Variants in SLC1A1 observed in about 807,000 individuals in gnomAD.
The protein encoded by SLC1A1 is solute carrier family 1 member 1, also known as excitatory amino acid transporter 3.
In SLC1A1, 43 loss-of-function variants were observed where a neutral mutation model predicts 53.3. That is an observed-to-expected ratio of 0.81 (90% confidence interval 0.63 to 1.04). The LOEUF (loss-of-function observed/expected upper bound fraction) is 1.04. Among genes scored for constraint, SLC1A1 ranks in the 50% least tolerant of loss-of-function variants. The pLI, the probability that SLC1A1 is intolerant of heterozygous loss-of-function variation, is 0.00. For synonymous variants in SLC1A1, 307 were observed against 243.2 expected (o/e 1.26, Z -2.44); for missense variants, 748 against 664.9 (o/e 1.12, Z -1.37).
intron 1 of SLC1A1, among the ~76,000 whole-genome samples, chr9:4,513,551 A>C (rs1183368885): frequency 6.6e-6 from 1 of 152,178 alleles, no homozygotes; most frequent in African/African-American, 2.4e-5. Flanking sequence ...TACAACACCA[A>C]GTGCTGATGA....
intron 4 of SLC1A1, 110 bp from the exon 5 acceptor site, chr9:4,565,932 CAGAAG>C: frequency 1.2e-6 from 1 of 846,762 alleles, no homozygotes. Flanking sequence ...AAGCAGGGGC[CAGAAG>C]AGAAACCAGA....
intron 2 of SLC1A1, among the ~76,000 whole-genome samples, chr9:4,550,145 G>A (rs1215015742): frequency 6.6e-6 from 1 of 152,098 alleles, no homozygotes; most frequent in South Asian, 2.1e-4. Flanking sequence ...AACACTAGAC[G>A]TCAGGAGAAA....
chr9:4,575,120 G>T (rs10117931), intron 8 of SLC1A1, among the ~76,000 whole-genome samples: 2 of 152,002 alleles, frequency 1.3e-5, no homozygotes, highest in African/African-American at 4.8e-5. Context: ...TGTCTAACAG[G>T]AAACTAAAAG....
chr9:4,548,036 T>C (rs974620615), intron 2 of SLC1A1, among the ~76,000 whole-genome samples: 6 of 152,188 alleles, frequency 3.9e-5, no homozygotes, highest in Non-Finnish European at 7.3e-5. Context: ...GAAAACATGA[T>C]CTGTTCTGCT....
Position 4,567,763 on chromosome 9 carries a change from C to G in SLC1A1, c.578C>G (p.Ser193Cys), listed in dbSNP as rs368929720. 1 of 1,587,836 alleles carries G rather than the reference C, an allele frequency of 6.3e-7. No homozygotes were observed. The highest frequency in any genetic ancestry group is 1.3e-5 in the African/African-American group (1 of 74,490). The change falls in exon 6 of 12, where the codon TCC becomes TGC. Residue 193 changes from serine to cysteine, a missense_variant. Ser to Cys is a moderately radical substitution (Grantham distance 112). Coordinates refer to ENST00000262352, the MANE Select transcript of SLC1A1 (RefSeq NM_004170.6). ...ACAGCTGTCATGACAACTGCAATTT[C>G]CAAGGTACCATTCTTATTTCCTGTT... ...SFTAVMTTAI[S>C]KNKTKEYKIV... is the part of the protein sequence containing the mutation.
intron 1 of SLC1A1, among the ~76,000 whole-genome samples, chr9:4,523,529 T>C (rs984729072): frequency 6.6e-6 from 1 of 152,226 alleles, no homozygotes; most frequent in African/African-American, 2.4e-5. Context: ...ATAAATGTCA[T>C]AGACTGAGGA....
At chr9:4,564,268 T>C (rs1819268889) in intron 3 of SLC1A1, 76 bp from the exon 4 acceptor site, 1 of 970,644 alleles carries the variant, frequency 1.0e-6, no homozygotes, top group East Asian at 2.6e-5. Context: ...ACCATGCCCA[T>C]TGTTCTAAAG....
chr9:4,579,384 T>C (rs1564065818), intron 10 of SLC1A1, among the ~76,000 whole-genome samples: 1 of 152,250 alleles, frequency 6.6e-6, no homozygotes, highest in Non-Finnish European at 1.5e-5. Context: ...CTGAACTGAT[T>C]TCCAAGGAGT....
intron 6 of SLC1A1, among the ~76,000 whole-genome samples, chr9:4,571,645 C>G (rs543780937): frequency 3.2e-4 from 49 of 151,948 alleles, no homozygotes; most frequent in African/African-American, 1.2e-3. Context: ...CCACTGCACT[C>G]CAGCCTGGGT....
chr9:4,504,056 C>G (rs781246486), intron 1 of SLC1A1, among the ~76,000 whole-genome samples: 5 of 152,010 alleles, frequency 3.3e-5, no homozygotes, highest in Non-Finnish European at 7.4e-5. Flanking sequence ...ATTGTGAGCA[C>G]TGCATGACCC....
chr9:4,544,835 G>T lies in SLC1A1; in HGVS notation c.232+128G>T. On this transcript the variant is annotated intron_variant, in intron 2 of 11. Coordinates refer to ENST00000262352, the MANE Select transcript of SLC1A1 (RefSeq NM_004170.6). ...CTCACAGTTCATCCTGGCTCAGAAGGTCTCAGGAAACTCACAATCATGGCG... is the reference window on the plus strand; with the variant it reads ...CTCACAGTTCATCCTGGCTCAGAAGTTCTCAGGAAACTCACAATCATGGCG... The T allele has an allele frequency of 4.9e-6, 4 of 821,420 alleles. No individual in the cohort carries two copies. The Admixed American group carries it at 6.6e-5, about 14-fold the overall frequency. 50.9% of individuals were successfully genotyped at this position (821,420 alleles called of 1,614,324 possible). A position where few individuals can be genotyped will look rare whatever the true frequency, so the allele number is the denominator to read the frequency against.
rs977881630 is a variant in SLC1A1 at position 4,583,566 on chromosome 9, T to G, written c.1328+394T>G. On this transcript the variant is annotated intron_variant, in intron 11 of 11. Coordinates refer to ENST00000262352, the MANE Select transcript of SLC1A1 (RefSeq NM_004170.6). This position sits in a 1 kb window ranked among gnomAD's most constrained non-coding sequence, Gnocchi z 4.6. ...AATCAGTCCGTCTTCCTAAGCATCT[T>G]CCGAACCATCAGGGACAGTGGCACA... Among the ~76,000 whole-genome samples, 2 of 152,128 alleles carry G rather than the reference T, an allele frequency of 1.3e-5. No individual in the cohort carries two copies. The highest frequency in any genetic ancestry group is 2.9e-5 in the Non-Finnish European group (2 of 68,018).
At chr9:4,546,486 G>A (rs1222022332) in intron 2 of SLC1A1, among the ~76,000 whole-genome samples, 2 of 151,926 alleles carry the variant, frequency 1.3e-5, no homozygotes, top group African/African-American at 4.8e-5. Flanking sequence ...ATCAACGGTG[G>A]TCTGAAACCA....
intron 1 of SLC1A1, among the ~76,000 whole-genome samples, chr9:4,497,395 T>TC (rs1352036378): frequency 6.6e-6 from 1 of 152,296 alleles, no homozygotes; most frequent in East Asian, 1.9e-4. Context: ...TGTTTCTGCC[T>TC]CCCTCACCAA....
At chr9:4,493,773 G>C (rs1406782558) in intron 1 of SLC1A1, among the ~76,000 whole-genome samples, 1 of 152,140 alleles carries the variant, frequency 6.6e-6, no homozygotes, top group Non-Finnish European at 1.5e-5. Flanking sequence ...GAAATGTTCA[G>C]TCACTACTAT....
chr9:4,492,788 C>A (rs995641765), intron 1 of SLC1A1, among the ~76,000 whole-genome samples: 1 of 149,806 alleles, frequency 6.7e-6, no homozygotes, highest in African/African-American at 2.5e-5. Context: ...AAGAATGAGA[C>A]CTTGTCTAAA....
At chr9:4,502,637 C>T (rs1227131425) in intron 1 of SLC1A1, among the ~76,000 whole-genome samples, 1 of 151,650 alleles carries the variant, frequency 6.6e-6, no homozygotes, top group Non-Finnish European at 1.5e-5. Context: ...GGTCATGTAG[C>T]TGAGCACACA....
intron 1 of SLC1A1, among the ~76,000 whole-genome samples, chr9:4,536,344 A>G (rs1229359693): frequency 8.9e-6 from 1 of 112,848 alleles, no homozygotes; most frequent in Non-Finnish European, 2.1e-5. Flanking sequence ...AAACAAATCT[A>G]CAAGAAAAAA....
In SLC1A1 at chr9:4,504,925, G is replaced by A. The variant is rs574999722; in HGVS notation, c.91+14155G>A. ...GTAGCAAGATTGACCAAAACAAGTG[G>A]TAAATAAGTCTGTAATATTTAACTG... is the stretch of plus-strand genomic sequence containing the variant. On this transcript the variant is annotated intron_variant, in intron 1 of 11. Transcript: ENST00000262352. 2.6e-5 allele frequency among the ~76,000 whole-genome samples: 4 copies of A among 152,116 alleles called. No homozygotes were observed. The East Asian group carries it at 7.7e-4, about 29-fold the overall frequency.
Sources: allele counts gnomAD v4.1 joint callset (sites outside exome capture counted in the v4.1 genomes callset), GRCh38; gene constraint gnomAD v4.1.1; non-coding constraint Gnocchi (gnomAD v3.1); transcripts MANE v1.5; gene names NCBI Gene and HGNC (gene_info 2026-07-23, HGNC 2026-07-21).